The following KHDRBS2 variants were observed in gnomAD, a reference collection of about 807,000 sequenced individuals.
KHDRBS2 encodes KH domain-containing, RNA-binding, signal transduction-associated protein 2.
KHDRBS2 carries 26 observed loss-of-function variants against 44.3 expected under a neutral mutation model. The ratio of observed to expected loss-of-function variants is 0.59; its 90% CI spans 0.43 to 0.81. The LOEUF is 0.81. KHDRBS2 is among the 40% of genes least tolerant of loss of function. KHDRBS2 has a pLI of 0.00. For missense variants in KHDRBS2, 476 were observed against 433.1 expected, an observed-to-expected ratio of 1.10 and a Z score of -0.88; for synonymous variants, 194 against 151.1, an observed-to-expected ratio of 1.28 and a Z score of -2.08.
At chr6:61,647,820 A>G in the KHDRBS2 span, among the ~76,000 whole-genome samples, 1 of 152,156 alleles carries the variant, frequency 6.6e-6, no homozygotes, top group African/African-American at 2.4e-5. Flanking sequence ...TGAAGTACTT[A>G]TTAACTCTTA....
intron 1 of KHDRBS2, among the ~76,000 whole-genome samples, chr6:62,236,605 C>T (rs1410415684): frequency 1.3e-5 from 2 of 151,946 alleles, no homozygotes; most frequent in Admixed American, 6.6e-5. Flanking sequence ...TAACACTAGC[C>T]TTATCACATT....
At chr6:62,235,070 C>CTTTTTTT (rs10570985) in intron 1 of KHDRBS2, among the ~76,000 whole-genome samples, 1 of 106,966 alleles carries the variant, frequency 9.3e-6, no homozygotes, top group African/African-American at 3.4e-5. Context: ...TCCATTTAGG[C>CTTTTTTT]TTTTTTTTTT....
the KHDRBS2 span, among the ~76,000 whole-genome samples, chr6:61,583,026 A>G: frequency 2.0e-5 from 3 of 151,894 alleles, no homozygotes; most frequent in Non-Finnish European, 4.4e-5. Context: ...ATCTATATTC[A>G]CTGATTGTTA....
the KHDRBS2 span, among the ~76,000 whole-genome samples, chr6:61,627,285 A>G: frequency 5.7e-5 from 8 of 140,274 alleles, no homozygotes; most frequent in African/African-American, 2.1e-4. Flanking sequence ...AAAAAAAAGA[A>G]TTTGGCTGGT....
At chr6:61,622,401 G>C in the KHDRBS2 span, among the ~76,000 whole-genome samples, 1 of 152,108 alleles carries the variant, frequency 6.6e-6, no homozygotes, top group African/African-American at 2.4e-5. Flanking sequence ...TGACAGTGGA[G>C]GAAAGAGATT....
At chr6:62,134,633 G>A (rs1235744279) in intron 2 of KHDRBS2, among the ~76,000 whole-genome samples, 2 of 152,112 alleles carry the variant, frequency 1.3e-5, no homozygotes, top group Non-Finnish European at 2.9e-5. Context: ...GACACTCAAT[G>A]CCAGCCTGTG....
At chr6:61,909,819 A>C (rs2127350133) in intron 4 of KHDRBS2, among the ~76,000 whole-genome samples, 1 of 152,346 alleles carries the variant, frequency 6.6e-6, no homozygotes, top group South Asian at 2.1e-4. Flanking sequence ...AGGTAATGAC[A>C]GGTGTAGACA....
intron 2 of KHDRBS2, among the ~76,000 whole-genome samples, chr6:62,106,090 G>T (rs1348773722): frequency 6.6e-6 from 1 of 152,172 alleles, no homozygotes; most frequent in Non-Finnish European, 1.5e-5. Context: ...GAGCAGTTTT[G>T]AGTGAGTTTC....
At chr6:62,109,399 G>T (rs1212973748) in intron 2 of KHDRBS2, among the ~76,000 whole-genome samples, 4 of 151,726 alleles carry the variant, frequency 2.6e-5, no homozygotes, top group Non-Finnish European at 5.9e-5. Flanking sequence ...CATACTTAGT[G>T]GGACAAGAGA....
intron 2 of KHDRBS2, among the ~76,000 whole-genome samples, chr6:62,116,486 C>T (rs1308313731): frequency 6.6e-6 from 1 of 151,936 alleles, no homozygotes; most frequent in East Asian, 1.9e-4. Flanking sequence ...GTAACTGATA[C>T]ATAACAATTG....
chr6:61,625,976 A>G, the KHDRBS2 span, among the ~76,000 whole-genome samples: 275 of 152,370 alleles, frequency 1.8e-3, 3 homozygotes, highest in African/African-American at 6.4e-3. Flanking sequence ...GCAAATGGAT[A>G]TAATATTGCA....
At chr6:62,027,702 C>T (rs1334069953) in intron 3 of KHDRBS2, among the ~76,000 whole-genome samples, 3 of 152,014 alleles carry the variant, frequency 2.0e-5, no homozygotes, top group South Asian at 2.1e-4. Context: ...GAAATGCAGC[C>T]GCCATAATAA....
intron 1 of KHDRBS2, among the ~76,000 whole-genome samples, chr6:62,247,669 G>C (rs1835832155): frequency 6.6e-6 from 1 of 151,948 alleles, no homozygotes. Context: ...TTGTAAAAGA[G>C]AGCAAATGAT....
At chr6:61,955,815 C>A (rs1294437950) in intron 4 of KHDRBS2, among the ~76,000 whole-genome samples, 1 of 151,948 alleles carries the variant, frequency 6.6e-6, no homozygotes, top group African/African-American at 2.4e-5. Flanking sequence ...TCATGTATTT[C>A]AATGCTCAGA....
At chr6:62,066,580 C>T (rs1351986786) in intron 2 of KHDRBS2, among the ~76,000 whole-genome samples, 1 of 151,516 alleles carries the variant, frequency 6.6e-6, no homozygotes, top group Non-Finnish European at 1.5e-5. Context: ...CTTACATGTG[C>T]AAATTAGAGA....
At chr6:62,274,563 T>C (rs141234174) in intron 1 of KHDRBS2, among the ~76,000 whole-genome samples, 1 of 152,286 alleles carries the variant, frequency 6.6e-6, no homozygotes, top group African/African-American at 2.4e-5. Flanking sequence ...CTCTTTCTTA[T>C]CAGATTTTAG....
chr6:61,970,805 T>C (rs1482495905), intron 4 of KHDRBS2, among the ~76,000 whole-genome samples: 1 of 152,142 alleles, frequency 6.6e-6, no homozygotes, highest in Admixed American at 6.6e-5. Flanking sequence ...CACAAAGCTC[T>C]TGGAGCACTA....
intron 1 of KHDRBS2, among the ~76,000 whole-genome samples, chr6:62,244,168 T>C (rs909706472): frequency 3.3e-5 from 5 of 152,148 alleles, no homozygotes; most frequent in African/African-American, 4.8e-5. Flanking sequence ...AACGTACACG[T>C]GAAACTATTA....
chr6:61,931,884 G>A (rs752679957), intron 4 of KHDRBS2, among the ~76,000 whole-genome samples: 1 of 151,696 alleles, frequency 6.6e-6, no homozygotes, highest in South Asian at 2.1e-4. Flanking sequence ...CTCCTCCTCA[G>A]CTTACTCAAC....
Sources: gnomAD v4.1 joint callset for allele counts (sites outside exome capture counted in the v4.1 genomes callset) on GRCh38, gnomAD v4.1.1 for gene constraint, MANE v1.5 for transcripts, NCBI Gene and HGNC (gene_info 2026-07-23, HGNC 2026-07-21) for gene names.